Variants in PKD1 observed in about 807,000 individuals in gnomAD.
PKD1 encodes polycystin 1, transient receptor potential channel interacting.
A neutral mutation model predicts 361.7 loss-of-function variants in PKD1; 81 were observed. That is an observed-to-expected ratio of 0.22 (90% CI 0.19 to 0.27). PKD1 has a LOEUF of 0.27. PKD1 is among the 10% of genes least tolerant of loss of function. The probability of loss-of-function intolerance (pLI) is 1.00; values close to 1 mark genes in which losing one functional copy is unlikely to be tolerated. For synonymous variants in PKD1, 3,615 were observed against 2,818.3 expected (o/e 1.28, Z -8.95); for missense variants, 6,399 against 6,118.3 (o/e 1.05, Z -1.53).
chr16:2,125,270 G>C (rs1279053370), intron 1 of PKD1, among the ~76,000 whole-genome samples: 1 of 152,176 alleles, frequency 6.6e-6, no homozygotes, highest in Non-Finnish European at 1.5e-5. Flanking sequence ...CCACTTCCAT[G>C]GGGAGGGCCA....
chr16:2,108,337 T>C lies in PKD1; in HGVS notation c.6830A>G (p.Asp2277Gly), dbSNP rs1204408850. The change falls in exon 15 of 46, where the codon GAT becomes GGT. Residue 2277 changes from aspartate to glycine, a missense_variant. Physicochemically the swap from Asp to Gly is moderately conservative, Grantham distance 94. Transcript: ENST00000262304. ...GTTGGGGTCGTAGGACTCGCTCCCA[T>C]CCAGCACCAGGTCCCGTGTGTCTGA... ...VWSDTRDLVL[D>G]GSESYDPNLE... is the part of the protein sequence containing the mutation. The C allele has an allele frequency of 1.2e-6, 2 of 1,608,046 alleles. No homozygotes were observed. Among genetic ancestry groups the C allele is most frequent in the South Asian group, 1.1e-5 (1 of 90,960 alleles).
intron 8 of PKD1, 102 bp downstream of exon 8, chr16:2,116,427 T>G (rs2092637390): frequency 1.5e-6 from 1 of 673,870 alleles, no homozygotes; most frequent in South Asian, 1.6e-5. Flanking sequence ...CAAGCAACAT[T>G]AAGGCCCCCA....
Position 2,106,445 on chromosome 16 carries a change from A to G in PKD1, c.7442T>C (p.Leu2481Pro). The G allele has an allele frequency of 6.3e-7, 1 of 1,590,980 alleles. No homozygotes were observed. Among genetic ancestry groups the G allele is most frequent in the Non-Finnish European group, 8.5e-7 (1 of 1,173,704 alleles). The change falls in exon 18 of 46, where the codon CTG (leucine) becomes CCG (proline). Residue 2481 changes from leucine to proline, a missense_variant. By Grantham distance (98) the Leu-to-Pro change is moderately conservative. Coordinates refer to ENST00000262304, the MANE Select transcript of PKD1 (RefSeq NM_001009944.3). This position sits in a 1 kb window ranked among gnomAD's most constrained non-coding sequence, Gnocchi z 6.5. ...PLGGSCRLFPLGAVHALTTKV... is the reference protein window; with the variant it reads ...PLGGSCRLFPPGAVHALTTKV... The stretch of plus-strand genomic sequence containing the variant: ...GGTGGTGAGGGCGTGCACAGCGCCC[A>G]GTGGGAAGAGGCGGCAAGAGCCCCC...
chr16:2,125,875 C>T (rs72766653), intron 1 of PKD1, among the ~76,000 whole-genome samples: 21,667 of 152,062 alleles, frequency 0.14, 2,146 homozygotes, highest in African/African-American at 0.27. Flanking sequence ...ACTGACCTTA[C>T]GCTCCTGATG....
rs771031142 is a variant in PKD1, at chr16:2,092,947, C to A, written c.11156+7G>T. The stretch of plus-strand genomic sequence containing the variant: ...AGAAGACAGACCAGTGCACCGGATG[C>A]CCGTACCGCGTGATGGCCAGGAAGG... On this transcript the variant is annotated splice_region_variant and intron_variant, in intron 38 of 45. Transcript: ENST00000262304. 4 of 1,612,986 alleles carry A rather than the reference C, an allele frequency of 2.5e-6. No homozygotes were observed. The Admixed American group carries it at 5.0e-5, about 20-fold the overall frequency.
intron 16 of PKD1, 105 bp from the exon 17 acceptor site, chr16:2,107,053 G>T: frequency 9.3e-7 from 1 of 1,077,334 alleles, no homozygotes; most frequent in Non-Finnish European, 1.4e-6. Flanking sequence ...TTTCCCAGGG[G>T]CCTGGCCACT....
rs1187193413 is a variant in PKD1, at chr16:2,090,537, C to T, written c.12192G>A (p.Val4064=). 3 of 1,610,240 alleles carry T rather than the reference C, an allele frequency of 1.9e-6. No individual in the cohort carries two copies. Among genetic ancestry groups the T allele is most frequent in the South Asian group, 1.1e-5 (1 of 90,960 alleles). Residue 4064 remains valine (V), a synonymous_variant, in exon 45 of 46, where the codon GTG becomes GTA. Transcript: ENST00000262304. ...SLWSVAQALL[V]LCPGTGLSTL... ...TAGAGAGCCCAGTCCCAGGGCACAGCACCAACAGGGCCTGGGCCACGCTCC... is the reference window on the plus strand; with the variant it reads ...TAGAGAGCCCAGTCCCAGGGCACAGTACCAACAGGGCCTGGGCCACGCTCC...
intron 10 of PKD1, 68 bp downstream of exon 10, chr16:2,115,310 C>T (rs2092613090): frequency 2.1e-6 from 3 of 1,404,906 alleles, no homozygotes; most frequent in South Asian, 1.3e-5. Context: ...CAGACCCAGA[C>T]CCTGGGCAGC....
intron 23 of PKD1, 124 bp downstream of exon 23, chr16:2,103,142 C>A (rs1246247338): frequency 5.3e-6 from 7 of 1,318,328 alleles, no homozygotes; most frequent in Admixed American, 4.0e-5. Context: ...TCTGGCCAGG[C>A]CCCCAGCAGC....
In PKD1 at chr16:2,111,887, C is replaced by G. The variant is rs375431805; in HGVS notation, c.3296-16G>C. 1.2e-6 allele frequency: 2 copies of G among 1,609,720 alleles called. No individual in the cohort carries two copies. The highest frequency in any genetic ancestry group is 2.2e-5 in the East Asian group (1 of 44,864). Reference sequence around the variant, plus strand: ...AGGTACTCACCTGTGGGGACAGGCCCGAGTGGGGCAGCCGCGGCACCCCCA... The same window carrying G: ...AGGTACTCACCTGTGGGGACAGGCCGGAGTGGGGCAGCCGCGGCACCCCCA... On this transcript the variant is annotated splice_polypyrimidine_tract_variant and intron_variant, in intron 14 of 45. Transcript: ENST00000262304.
Position 2,092,359 on chromosome 16 carries a change from C to G in PKD1, c.11269+121G>C, listed in dbSNP as rs756424837. The G allele has an allele frequency of 5.2e-6, 5 of 965,476 alleles. No individual in the cohort carries two copies. The African/African-American group carries it at 6.4e-5, about 12-fold the overall frequency. The allele number at this position is 965,476 out of a possible 1,614,324, so 59.8% of individuals were successfully genotyped here. A position where few individuals can be genotyped will look rare whatever the true frequency, so the allele number is the denominator to read the frequency against. ...CTCTCATATACAGAGAAGGAAACGG[C>G]GGTGTTAAGAGGGCAAAGGTCACAC... On this transcript the variant is annotated intron_variant, in intron 39 of 45. Transcript: ENST00000262304.
At chr16:2,127,394 G>GC (rs2092812679) in intron 1 of PKD1, among the ~76,000 whole-genome samples, 1 of 152,228 alleles carries the variant, frequency 6.6e-6, no homozygotes, top group Non-Finnish European at 1.5e-5. Context: ...GGTCTTGTGA[G>GC]CCCCCACAGC....
chr16:2,130,510 G>C (rs905107723), intron 1 of PKD1, among the ~76,000 whole-genome samples: 1 of 152,216 alleles, frequency 6.6e-6, no homozygotes, highest in African/African-American at 2.4e-5. Flanking sequence ...AGTGATAACG[G>C]AGCCCTCGAG....
intron 13 of PKD1, 111 bp from the exon 14 acceptor site, chr16:2,112,584 C>G: frequency 9.4e-7 from 1 of 1,067,666 alleles, no homozygotes; most frequent in Non-Finnish European, 1.4e-6. Context: ...CGCCCCGGGC[C>G]TCCATTCAGG....
Position 2,106,441 on chromosome 16 carries a change from G to A in PKD1, c.7446C>T (p.Gly2482=), listed in dbSNP as rs775215483. The change falls in exon 18 of 46, where the codon GGC becomes GGT. Residue 2482 remains glycine, a synonymous_variant. Coordinates refer to ENST00000262304, the MANE Select transcript of PKD1 (RefSeq NM_001009944.3). The surrounding 1 kb of genome is among the most constrained non-coding windows in gnomAD (Gnocchi z 6.5). ...LGGSCRLFPL[G]AVHALTTKVH... ...CCTTGGTGGTGAGGGCGTGCACAGC[G>A]CCCAGTGGGAAGAGGCGGCAAGAGC... 3.4e-5 allele frequency: 54 copies of A among 1,590,214 alleles called. No individual in the cohort carries two copies. Among genetic ancestry groups the A allele is most frequent in the East Asian group, 2.5e-4 (11 of 44,120 alleles).
rs1303630639 is a variant in PKD1 at position 2,093,939 on chromosome 16, G to A, written c.10693C>T (p.Leu3565=). ...GAGACAGCCACAGCCACAGCCACCAGGAGCAGGCTGAGCCCGTGGGCCAGG... is the reference window on the plus strand; with the variant it reads ...GAGACAGCCACAGCCACAGCCACCAAGAGCAGGCTGAGCCCGTGGGCCAGG... ...ASLAHGLSLL[L]VAVAVAVSGW... Residue 3565 remains leucine, a synonymous_variant, in exon 36 of 46, where the codon CTG becomes TTG. Transcript: ENST00000262304. The A allele has an allele frequency of 1.3e-6, 2 of 1,586,232 alleles. No homozygotes were observed. The highest frequency in any genetic ancestry group is 2.3e-5 in the East Asian group (1 of 43,904).
chr16:2,090,799 G>A lies in PKD1; in HGVS notation c.12013C>T (p.Gln4005Ter), dbSNP rs1567148587. 1 of 1,612,392 alleles carries A rather than the reference G, an allele frequency of 6.2e-7. No homozygotes were observed. The highest frequency in any genetic ancestry group is 8.5e-7 in the Non-Finnish European group (1 of 1,179,960). The change falls in exon 44 of 46, where the codon CAG (glutamine) becomes TAG (stop). Residue 4005 changes from glutamine to a stop codon, truncating the protein, a stop_gained. Transcript: ENST00000262304. LOFTEE classifies it high-confidence loss of function. ...LFLLLVKAAQ[Q>*]LRFVRQWSVF... ...GACCACTGGCGCACGAAGCGTAGCT[G>A]CTGGGCAGCCTGCGGACGAGAAATC...
chr16:2,113,739 G>A, intron 11 of PKD1: 1 of 360,068 alleles, frequency 2.8e-6, no homozygotes, highest in Non-Finnish European at 5.2e-6. Flanking sequence ...GAAGAGGCAG[G>A]TACCCGCAAG....
Position 2,097,783 on chromosome 16 carries a change from G to A in PKD1, c.10168-3C>T, listed in dbSNP as rs370560056. The A allele has an allele frequency of 2.4e-5, 38 of 1,611,340 alleles. No individual in the cohort carries two copies. Among genetic ancestry groups the A allele is most frequent in the Middle Eastern group, 2.2e-4 (1 of 4,458 alleles). On this transcript the variant is annotated splice_region_variant and splice_polypyrimidine_tract_variant and intron_variant, in intron 31 of 45. Transcript: ENST00000262304. Reference sequence around the variant, plus strand: ...TTCATCTGTCCAACAAAGGCCTGCTGAGAGGTGCACAGTGTCTTGAGTCCA... The same window carrying A: ...TTCATCTGTCCAACAAAGGCCTGCTAAGAGGTGCACAGTGTCTTGAGTCCA...
Sources: allele counts gnomAD v4.1 joint callset (sites outside exome capture counted in the v4.1 genomes callset), GRCh38; gene constraint gnomAD v4.1.1; non-coding constraint Gnocchi (gnomAD v3.1); transcripts MANE v1.5; gene names NCBI Gene and HGNC (gene_info 2026-07-23, HGNC 2026-07-21).